The following MBOAT2 variants were observed in gnomAD, a reference collection of about 807,000 sequenced individuals.
The protein encoded by MBOAT2 is membrane bound glycerophospholipid O-acyltransferase 2.
In MBOAT2, 28 loss-of-function variants were observed where a neutral mutation model predicts 63.4. The ratio of observed to expected loss-of-function variants is 0.44; its 90% CI spans 0.33 to 0.61. The LOEUF is 0.61. MBOAT2 is among the 20% of genes least tolerant of loss of function. The pLI, the probability that MBOAT2 is intolerant of heterozygous loss-of-function variation, is 0.03. For missense variants in MBOAT2, 470 were observed against 605.8 expected (o/e 0.78, Z 2.35); for synonymous variants, 211 against 215.6 (o/e 0.98, Z 0.19).
At chr2:8,887,888 A>T in intron 5 of MBOAT2, 130 bp downstream of exon 5, 1 of 825,794 alleles carries the variant, frequency 1.2e-6, no homozygotes, top group Non-Finnish European at 2.1e-6. Flanking sequence ...AAGCACAGTT[A>T]AGTATATTTC....
intron 4 of MBOAT2, among the ~76,000 whole-genome samples, chr2:8,897,183 CTCTT>C (rs1203014898): frequency 2.0e-5 from 3 of 150,558 alleles, no homozygotes; most frequent in Non-Finnish European, 2.9e-5. Flanking sequence ...GTCTCTTTCT[CTCTT>C]TTTCTCTGAT....
intron 4 of MBOAT2, among the ~76,000 whole-genome samples, chr2:8,895,444 C>T (rs908254513): frequency 2.2e-4 from 34 of 152,316 alleles, no homozygotes; most frequent in African/African-American, 8.2e-4. Context: ...CATTTACAAT[C>T]CTTGAGCTAG....
At chr2:8,985,973 T>A (rs942566534) in intron 1 of MBOAT2, among the ~76,000 whole-genome samples, 1 of 152,042 alleles carries the variant, frequency 6.6e-6, no homozygotes, top group East Asian at 1.9e-4. Context: ...AACTTTACAG[T>A]GGAGAAATCT....
intron 1 of MBOAT2, among the ~76,000 whole-genome samples, chr2:8,994,123 G>A (rs1175664386): frequency 2.0e-5 from 3 of 152,118 alleles, no homozygotes; most frequent in Non-Finnish European, 4.4e-5. Flanking sequence ...CCAGCCCTGC[G>A]GACTCTAAAC....
At chr2:8,901,577 C>T (rs1341879563) in intron 4 of MBOAT2, among the ~76,000 whole-genome samples, 2 of 152,152 alleles carry the variant, frequency 1.3e-5, no homozygotes, top group East Asian at 1.9e-4. Context: ...TCCAGAGTTA[C>T]AAGAGTGATG....
intron 1 of MBOAT2, among the ~76,000 whole-genome samples, chr2:8,991,198 T>C (rs1671899436): frequency 6.6e-6 from 1 of 152,190 alleles, no homozygotes; most frequent in Admixed American, 6.5e-5. Flanking sequence ...CAATATACAC[T>C]TTCTAGAAAA....
In MBOAT2 at chr2:8,868,376, A is replaced by C. The variant is rs566530494; in HGVS notation, c.987+70T>G. 8 of 1,311,458 alleles carry C rather than the reference A, an allele frequency of 6.1e-6. No homozygotes were observed. The East Asian group carries it at 1.9e-4, about 30-fold the overall frequency. The allele number at this position is 1,311,458 out of a possible 1,614,324, so 81.2% of individuals were successfully genotyped here. A position where few individuals can be genotyped will look rare whatever the true frequency, so the allele number is the denominator to read the frequency against. ...TTCAATACCACTCCTAGGACATCAC[A>C]CCATAACTTATGAAAGCAAACTATG... On this transcript the variant is annotated intron_variant, in intron 9 of 12. Transcript: ENST00000305997.
chr2:8,954,530 T>C (rs1178266120), intron 2 of MBOAT2, among the ~76,000 whole-genome samples: 2 of 150,854 alleles, frequency 1.3e-5, no homozygotes, highest in African/African-American at 4.9e-5. Context: ...TGCCTAGGCA[T>C]GCAGCTGGGA....
intron 10 of MBOAT2, among the ~76,000 whole-genome samples, chr2:8,863,858 C>A (rs1661666308): frequency 6.6e-6 from 1 of 152,186 alleles, no homozygotes; most frequent in Admixed American, 6.5e-5. Context: ...TAAACCACAT[C>A]TCTACTGAAC....
At chr2:8,922,537 G>A (rs567529579) in intron 3 of MBOAT2, among the ~76,000 whole-genome samples, 33 of 152,278 alleles carry the variant, frequency 2.2e-4, no homozygotes, top group Admixed American at 9.8e-4. Context: ...TGCAGCAGCT[G>A]ATGTCTCTAC....
chr2:8,880,950 A>G (rs1239430810), intron 6 of MBOAT2, among the ~76,000 whole-genome samples: 1 of 152,212 alleles, frequency 6.6e-6, no homozygotes, highest in African/African-American at 2.4e-5. Context: ...ATGTCGACAA[A>G]GCCTTCAAGA....
chr2:8,908,344 C>T (rs1039048354), intron 4 of MBOAT2: 12 of 280,298 alleles, frequency 4.3e-5, no homozygotes, highest in African/African-American at 6.6e-5. Flanking sequence ...CACTCTTGAG[C>T]GCCTTCTCTA....
At chr2:8,945,482 T>C (rs917796778) in intron 2 of MBOAT2, among the ~76,000 whole-genome samples, 1 of 152,172 alleles carries the variant, frequency 6.6e-6, no homozygotes, top group African/African-American at 2.4e-5. Flanking sequence ...TTAAGTATTA[T>C]TAGTAAAGTA....
At position 9,003,656 on chromosome 2, in the gene MBOAT2, C is replaced by G. The variant is rs1672880718; in HGVS notation, c.-42G>C. On this transcript the variant is annotated 5_prime_UTR_variant, in exon 1 of 13. Coordinates refer to ENST00000305997, the MANE Select transcript of MBOAT2 (RefSeq NM_138799.4). This position sits in a 1 kb window ranked among gnomAD's most constrained non-coding sequence, Gnocchi z 5.4. ...TCCGGCCGCCCGCGCCGCTCGCCCG[C>G]TCGCGCTGTGCCGGGCGACGACGAG... The G allele has an allele frequency of 8.9e-7, 1 of 1,119,668 alleles. No individual in the cohort carries two copies. The highest frequency in any genetic ancestry group is 1.1e-6 in the Non-Finnish European group (1 of 915,248). The allele number at this position is 1,119,668 out of a possible 1,614,324, so 69.4% of individuals were successfully genotyped here.
At chr2:8,986,413 A>AT (rs936006673) in intron 1 of MBOAT2, among the ~76,000 whole-genome samples, 3 of 151,802 alleles carry the variant, frequency 2.0e-5, no homozygotes, top group African/African-American at 7.3e-5. Flanking sequence ...AAAATACAAA[A>AT]TTAGCCGTGC....
intron 1 of MBOAT2, among the ~76,000 whole-genome samples, chr2:8,962,484 G>A (rs947284961): frequency 2.0e-5 from 3 of 152,112 alleles, no homozygotes; most frequent in African/African-American, 7.2e-5. Context: ...TTGCTTCTCG[G>A]CCAGAACACT....
At chr2:8,961,972 C>T (rs2103284132) in intron 1 of MBOAT2, among the ~76,000 whole-genome samples, 1 of 152,284 alleles carries the variant, frequency 6.6e-6, no homozygotes, top group Non-Finnish European at 1.5e-5. Flanking sequence ...TTCCTTCCCC[C>T]TCTCCTCCAG....
intron 3 of MBOAT2, among the ~76,000 whole-genome samples, chr2:8,912,416 A>AAAGAAAGAAAGAAAGAAAGG (rs199665950): frequency 7.4e-6 from 1 of 135,146 alleles, no homozygotes; most frequent in African/African-American, 3.0e-5. Flanking sequence ...AGAAAGAAAG[A>AAAGAAAGAAAGAAAGAAAGG]CAGGCCGGCC....
chr2:8,961,477 T>C (rs1213604719), intron 1 of MBOAT2, among the ~76,000 whole-genome samples: 1 of 151,948 alleles, frequency 6.6e-6, no homozygotes, highest in Middle Eastern at 3.2e-3. Context: ...CACATGAAGA[T>C]CCACTACACA....
Sources: allele counts gnomAD v4.1 joint callset (sites outside exome capture counted in the v4.1 genomes callset), GRCh38; gene constraint gnomAD v4.1.1; non-coding constraint Gnocchi (gnomAD v3.1); transcripts MANE v1.5; gene names NCBI Gene and HGNC (gene_info 2026-07-23, HGNC 2026-07-21).